Variants in C10orf90 observed in about 807,000 individuals in gnomAD.
The protein encoded by C10orf90 is chromosome 10 open reading frame 90.
Under a neutral mutation model 62.5 loss-of-function variants are expected in C10orf90, and 56 were observed. The ratio of observed to expected loss-of-function variants is 0.90; its 90% CI spans 0.72 to 1.12. C10orf90 has a LOEUF of 1.12. C10orf90 is among the 50% of genes most tolerant of loss of function. The pLI is 0.00. For synonymous variants in C10orf90, 386 were observed against 340.4 expected (o/e 1.13, Z -1.47); for missense variants, 970 against 880.4 (o/e 1.10, Z -1.29).
At chr10:126,608,379 TG>T (rs1845360455) in intron 2 of C10orf90, among the ~76,000 whole-genome samples, 1 of 152,212 alleles carries the variant, frequency 6.6e-6, no homozygotes, top group Non-Finnish European at 1.5e-5. Context: ...CCCAAAGTGC[TG>T]GGATTACAGG....
intron 1 of C10orf90, among the ~76,000 whole-genome samples, chr10:126,664,451 T>C (rs1205550939): frequency 1.3e-5 from 2 of 152,138 alleles, no homozygotes; most frequent in African/African-American, 4.8e-5. Context: ...ATAAGGCAGA[T>C]ATTATCATTT....
intron 2 of C10orf90, among the ~76,000 whole-genome samples, chr10:126,579,706 A>G (rs12264765): frequency 0.44 from 66,060 of 151,756 alleles, 14,587 homozygotes; most frequent in Middle Eastern, 0.5. Context: ...GAAATCTACC[A>G]TCACTTTCTT....
At chr10:126,615,804 A>G (rs1003277949) in intron 2 of C10orf90, among the ~76,000 whole-genome samples, 1 of 152,182 alleles carries the variant, frequency 6.6e-6, no homozygotes, top group Non-Finnish European at 1.5e-5. Flanking sequence ...AGACACAGAA[A>G]AGTCCAAACG....
intron 2 of C10orf90, among the ~76,000 whole-genome samples, chr10:126,590,854 A>G (rs1052530777): frequency 3.4e-4 from 52 of 152,320 alleles, no homozygotes; most frequent in African/African-American, 1.2e-3. Flanking sequence ...AGAAATGATA[A>G]GGGGAATATC....
intron 4 of C10orf90, among the ~76,000 whole-genome samples, chr10:126,476,711 G>T (rs1019199653): frequency 6.6e-6 from 1 of 152,084 alleles, no homozygotes; most frequent in African/African-American, 2.4e-5. Context: ...ATTTCTCTTC[G>T]CTGAGAGTAA....
chr10:126,468,361 C>G (rs942897337), intron 4 of C10orf90, among the ~76,000 whole-genome samples: 1 of 152,202 alleles, frequency 6.6e-6, no homozygotes, highest in Non-Finnish European at 1.5e-5. Context: ...GCCGCCGCGC[C>G]TGGCCAAAAG....
At chr10:126,537,003 A>G (rs139129937) in intron 2 of C10orf90, among the ~76,000 whole-genome samples, 1 of 152,340 alleles carries the variant, frequency 6.6e-6, no homozygotes, top group East Asian at 1.9e-4. Context: ...TTCTTTTCCA[A>G]CAAAAGATAA....
At chr10:126,581,559 G>A (rs138119926) in intron 2 of C10orf90, among the ~76,000 whole-genome samples, 39 of 152,250 alleles carry the variant, frequency 2.6e-4, no homozygotes, top group African/African-American at 8.9e-4. Context: ...TTAGGGCACA[G>A]ACCTTTGCCT....
chr10:126,566,880 G>A (rs949057291), intron 2 of C10orf90, among the ~76,000 whole-genome samples: 1 of 152,164 alleles, frequency 6.6e-6, no homozygotes, highest in Non-Finnish European at 1.5e-5. Context: ...ACAGGTGGGG[G>A]AGGGACTTTA....
chr10:126,576,725 C>T (rs12250990), intron 2 of C10orf90, among the ~76,000 whole-genome samples: 379 of 35,354 alleles, frequency 0.011, 18 homozygotes, highest in African/African-American at 0.037. Context: ...ACAAGATATA[C>T]ATATATATGT....
At chr10:126,435,417 A>T (rs932907823) in intron 7 of C10orf90, among the ~76,000 whole-genome samples, 2 of 152,214 alleles carry the variant, frequency 1.3e-5, no homozygotes, top group African/African-American at 4.8e-5. Context: ...GCTTGAGCTC[A>T]GAGTCAGGTC....
At chr10:126,468,019 T>A (rs1825190785) in intron 4 of C10orf90, among the ~76,000 whole-genome samples, 1 of 152,054 alleles carries the variant, frequency 6.6e-6, no homozygotes, top group African/African-American at 2.4e-5. Flanking sequence ...CCCACCTATG[T>A]AGGTACCCTT....
intron 4 of C10orf90, chr10:126,496,836 C>T (rs1862088014): frequency 1.0e-5 from 4 of 397,900 alleles, no homozygotes; most frequent in South Asian, 1.1e-4. Context: ...GCCCACAGGT[C>T]GAGGGCACCC....
Position 126,453,654 on chromosome 10 carries a change from G to A in C10orf90, c.2188+5386C>T, listed in dbSNP as rs901659309. On this transcript the variant is annotated intron_variant, in intron 7 of 9. Coordinates refer to ENST00000488181, the MANE Select transcript of C10orf90 (RefSeq NM_001350921.2). The surrounding 1 kb of genome is among the most constrained non-coding windows in gnomAD (Gnocchi z 4.9). Reference sequence around the variant, plus strand: ...TGAGCACTGTCAGGCTGAGTTAACTGCAGTGAGTACAGGCAGTAGCAGTAA... The same window carrying A: ...TGAGCACTGTCAGGCTGAGTTAACTACAGTGAGTACAGGCAGTAGCAGTAA... 3.9e-5 allele frequency among the ~76,000 whole-genome samples: 6 copies of A among 151,928 alleles called. No individual in the cohort carries two copies. Among genetic ancestry groups the A allele is most frequent in the African/African-American group, 1.4e-4 (6 of 41,434 alleles).
At chr10:126,492,991 T>C (rs996983041) in intron 4 of C10orf90, among the ~76,000 whole-genome samples, 1 of 152,138 alleles carries the variant, frequency 6.6e-6, no homozygotes, top group Non-Finnish European at 1.5e-5. Context: ...ACAATCTATT[T>C]AATAAGGTTT....
At chr10:126,432,276 A>AT (rs1391260618) in intron 7 of C10orf90, among the ~76,000 whole-genome samples, 4 of 152,180 alleles carry the variant, frequency 2.6e-5, no homozygotes, top group Admixed American at 6.5e-5. Context: ...GGTTGCAGAA[A>AT]TTGTGTTTTG....
intron 2 of C10orf90, among the ~76,000 whole-genome samples, chr10:126,606,646 T>A (rs1845318419): frequency 6.6e-6 from 1 of 152,206 alleles, no homozygotes; most frequent in African/African-American, 2.4e-5. Flanking sequence ...GCTGTTAGGA[T>A]TAGGATTTGC....
chr10:126,643,304 A>G (rs550223141), intron 2 of C10orf90, among the ~76,000 whole-genome samples: 7 of 152,112 alleles, frequency 4.6e-5, no homozygotes, highest in Non-Finnish European at 1.0e-4. Flanking sequence ...TGGCCAGCCC[A>G]CTCCACAGGG....
At chr10:126,486,466 G>C (rs895810115) in intron 4 of C10orf90, among the ~76,000 whole-genome samples, 1 of 152,072 alleles carries the variant, frequency 6.6e-6, no homozygotes, top group Admixed American at 6.6e-5. Flanking sequence ...AGTCAGTAGA[G>C]ACACCAAACT....
Sources: gnomAD v4.1 joint callset for allele counts (sites outside exome capture counted in the v4.1 genomes callset) on GRCh38, gnomAD v4.1.1 for gene constraint, Gnocchi (gnomAD v3.1) non-coding constraint, MANE v1.5 for transcripts, NCBI Gene and HGNC (gene_info 2026-07-23, HGNC 2026-07-21) for gene names.